The following TNR variants were observed in gnomAD, a reference collection of about 807,000 sequenced individuals.
The protein encoded by TNR is tenascin R.
TNR carries 45 observed loss-of-function variants against 150.4 expected under a neutral mutation model. The ratio of observed to expected loss-of-function variants is 0.30; its 90% CI spans 0.24 to 0.38. The LOEUF is 0.38. Ranked by LOEUF, TNR falls within the 10% of genes least tolerant of loss-of-function variation. TNR has a pLI of 1.00. For missense variants in TNR, 1,544 were observed against 1,759.1 expected, an observed-to-expected ratio of 0.88 and a Z score of 2.19; for synonymous variants, 687 against 678.4, an observed-to-expected ratio of 1.01 and a Z score of -0.20.
At chr1:175,553,449 G>A (rs745932659) in intron 1 of TNR, among the ~76,000 whole-genome samples, 3 of 152,072 alleles carry the variant, frequency 2.0e-5, no homozygotes, top group East Asian at 1.9e-4. Context: ...TCTTCCAGCC[G>A]TTTACCACTG....
chr1:175,368,012 C>G (rs1352697857), intron 9 of TNR, among the ~76,000 whole-genome samples: 1 of 152,146 alleles, frequency 6.6e-6, no homozygotes, highest in Non-Finnish European at 1.5e-5. Context: ...CTGAGGAAAT[C>G]CTTTGGGAGG....
In TNR at chr1:175,602,447, C is replaced by T. The variant is rs138467886; in HGVS notation, c.-164-74078G>A. Among the ~76,000 whole-genome samples the T allele has an allele frequency of 3.1e-3, 468 of 152,238 alleles. 2 individuals carry two copies. Among genetic ancestry groups the T allele is most frequent in the Non-Finnish European group, 5.5e-3 (371 of 68,024 alleles). The stretch of plus-strand genomic sequence containing the variant: ...TATTGCAAGTTCAGGACTACTACAC[C>T]GTGAGAACAGCTGGTCTGACTAACA... On this transcript the variant is annotated intron_variant, in intron 1 of 22. Transcript: ENST00000367674.
chr1:175,438,863 T>G (rs987647853), intron 2 of TNR, among the ~76,000 whole-genome samples: 11 of 151,960 alleles, frequency 7.2e-5, no homozygotes, highest in Admixed American at 3.3e-4. Context: ...CACTGCTCAA[T>G]GAAATAAAAG....
intron 2 of TNR, among the ~76,000 whole-genome samples, chr1:175,492,645 A>G (rs1261636386): frequency 6.6e-6 from 1 of 152,148 alleles, no homozygotes; most frequent in African/African-American, 2.4e-5. Flanking sequence ...AGTCAAAACT[A>G]TATCTATGGA....
intron 1 of TNR, among the ~76,000 whole-genome samples, chr1:175,705,182 C>T (rs1666812183): frequency 6.6e-6 from 1 of 152,066 alleles, no homozygotes; most frequent in Non-Finnish European, 1.5e-5. Flanking sequence ...AGTATTGAGG[C>T]CATGGTCTCA....
chr1:175,581,452 T>C (rs972671414), intron 1 of TNR, among the ~76,000 whole-genome samples: 6 of 152,186 alleles, frequency 3.9e-5, no homozygotes, highest in Non-Finnish European at 5.9e-5. Flanking sequence ...GATTGGAGTT[T>C]CTTGGGGTCG....
At chr1:175,517,578 C>T (rs1659465645) in intron 2 of TNR, among the ~76,000 whole-genome samples, 1 of 152,094 alleles carries the variant, frequency 6.6e-6, no homozygotes, top group African/African-American at 2.4e-5. Flanking sequence ...ATACAGATTC[C>T]TAGGCCAGTC....
chr1:175,513,852 C>T (rs1016000746), intron 2 of TNR, among the ~76,000 whole-genome samples: 4 of 152,228 alleles, frequency 2.6e-5, no homozygotes, highest in Admixed American at 2.6e-4. Flanking sequence ...ACATGCACAT[C>T]TAATCCGCGG....
chr1:175,738,084 T>A (rs983212272), intron 1 of TNR, among the ~76,000 whole-genome samples: 2 of 152,298 alleles, frequency 1.3e-5, no homozygotes, highest in Admixed American at 1.3e-4. Context: ...TTCATTCATG[T>A]GCACCAGCCC....
intron 2 of TNR, among the ~76,000 whole-genome samples, chr1:175,443,578 C>T (rs1305651087): frequency 6.6e-6 from 1 of 152,110 alleles, no homozygotes; most frequent in Non-Finnish European, 1.5e-5. Flanking sequence ...AATAGCTTTG[C>T]TAAGGCTCTG....
At chr1:175,548,397 G>A (rs1660799651) in intron 1 of TNR, among the ~76,000 whole-genome samples, 1 of 152,000 alleles carries the variant, frequency 6.6e-6, no homozygotes, top group African/African-American at 2.4e-5. Flanking sequence ...GAGTCTCCTC[G>A]ATGAATTTCC....
In TNR at chr1:175,331,047, T is replaced by G. The variant is rs200492670; in HGVS notation, c.3632-812A>C. On this transcript the variant is annotated intron_variant, in intron 20 of 22. Transcript: ENST00000367674. ...TTTCTTTCTTTCTTTCTTTCTTTCT[T>G]TCTTTCTTTCTTTCTTTCTTTCTTT... Among the ~76,000 whole-genome samples, 28 of 91,084 alleles carry G rather than the reference T, an allele frequency of 3.1e-4. 1 individual carries two copies. Among genetic ancestry groups the G allele is most frequent in the African/African-American group, 1.1e-3 (26 of 23,502 alleles). The allele number at this position is 91,084 out of a possible 152,430, so 59.8% of individuals were successfully genotyped here. A position where few individuals can be genotyped will look rare whatever the true frequency, so the allele number is the denominator to read the frequency against.
chr1:175,363,637 G>A (rs962544614), intron 13 of TNR, 71 bp downstream of exon 13: 9 of 1,542,434 alleles, frequency 5.8e-6, no homozygotes, highest in South Asian at 1.2e-5. Context: ...GATGTTCTGC[G>A]GGATATGCTA....
chr1:175,650,822 C>CATTA (rs1337434876), intron 1 of TNR, among the ~76,000 whole-genome samples: 3 of 67,280 alleles, frequency 4.5e-5, no homozygotes, highest in Admixed American at 1.4e-4. Flanking sequence ...TCCCCCACCT[C>CATTA]CTTACTACCC....
chr1:175,612,540 C>G (rs1663630599), intron 1 of TNR, among the ~76,000 whole-genome samples: 1 of 152,156 alleles, frequency 6.6e-6, no homozygotes, highest in Non-Finnish European at 1.5e-5. Context: ...ACAGGCAGTG[C>G]TAAATACTAG....
intron 1 of TNR, among the ~76,000 whole-genome samples, chr1:175,639,404 A>G (rs1214057102): frequency 1.3e-5 from 2 of 152,202 alleles, no homozygotes; most frequent in Non-Finnish European, 2.9e-5. Context: ...TAAGGTCCAT[A>G]AATACCCCTA....
Position 175,500,488 on chromosome 1 carries a change from G to C in TNR, c.-64+27781C>G, listed in dbSNP as rs185208632. Among the ~76,000 whole-genome samples, 47 of 152,338 alleles carry C rather than the reference G, an allele frequency of 3.1e-4. No individual in the cohort carries two copies. In the South Asian group the frequency reaches 5.8e-3, roughly 19 times the overall value. The stretch of plus-strand genomic sequence containing the variant: ...TAGAAGCTGTGTGTTGACAACAAAG[G>C]ATGCTGGCAGGAGGCTGTGCGGGCA... On this transcript the variant is annotated intron_variant, in intron 2 of 22. Coordinates refer to ENST00000367674, the MANE Select transcript of TNR (RefSeq NM_003285.3).
At chr1:175,571,411 C>T (rs530873841) in intron 1 of TNR, among the ~76,000 whole-genome samples, 3 of 152,288 alleles carry the variant, frequency 2.0e-5, no homozygotes, top group South Asian at 2.1e-4. Context: ...TATAGATGTA[C>T]GTGTTATTAC....
At chr1:175,513,213 C>A (rs1659264153) in intron 2 of TNR, among the ~76,000 whole-genome samples, 2 of 152,240 alleles carry the variant, frequency 1.3e-5, no homozygotes, top group South Asian at 4.1e-4. Context: ...TTCCCCACTA[C>A]ACTGTGCTGT....
Sources: gnomAD v4.1 joint callset for allele counts (sites outside exome capture counted in the v4.1 genomes callset) on GRCh38, gnomAD v4.1.1 for gene constraint, MANE v1.5 for transcripts, NCBI Gene and HGNC (gene_info 2026-07-23, HGNC 2026-07-21) for gene names.